ENOX1: variants seen among roughly 807,000 people sequenced by gnomAD.
The protein encoded by ENOX1 is ecto-NOX disulfide-thiol exchanger 1, also known as candidate growth-related and time keeping constitutive hydroquinone (NADH) oxidase.
ENOX1 carries 42 observed loss-of-function variants against 82.5 expected under a neutral mutation model. The ratio of observed to expected loss-of-function variants is 0.51; its 90% CI spans 0.40 to 0.66. The LOEUF (loss-of-function observed/expected upper bound fraction) is 0.66. Among genes scored for constraint, ENOX1 ranks in the 30% least tolerant of loss-of-function variants. The pLI is 0.00. For synonymous variants in ENOX1, 271 were observed against 282.2 expected, an observed-to-expected ratio of 0.96 and a Z score of 0.40; for missense variants, 608 against 811.6, an observed-to-expected ratio of 0.75 and a Z score of 3.05.
At chr13:43,562,265 C>G (rs934676305) in intron 2 of ENOX1, among the ~76,000 whole-genome samples, 2 of 151,832 alleles carry the variant, frequency 1.3e-5, no homozygotes, top group African/African-American at 4.8e-5. Context: ...TTTTTTAATA[C>G]TCTTCTCTTT....
Position 43,322,387 on chromosome 13 carries a change from A to T in ENOX1, c.1258T>A (p.Ser420Thr), listed in dbSNP as rs1250973542. 6.2e-7 allele frequency: 1 copy of T among 1,612,628 alleles called. No individual in the cohort carries two copies. Among genetic ancestry groups the T allele is most frequent in the South Asian group, 1.1e-5 (1 of 90,958 alleles). Residue 420 changes from serine to threonine, a missense_variant, in exon 11 of 17, where the codon TCA becomes ACA. Ser to Thr is a moderately conservative substitution (Grantham distance 58). Transcript: ENST00000690772. ...SPTKKMRVDE[S>T]ALAAQAYALK... ...CTGTGGCAGTTATCGGCATTACCTG[A>T]TTCATCGACTCTCATTTTCTTTGTA...
chr13:43,312,356 T>G (rs2047252690), intron 11 of ENOX1, among the ~76,000 whole-genome samples: 1 of 152,100 alleles, frequency 6.6e-6, no homozygotes, highest in African/African-American at 2.4e-5. Flanking sequence ...CTTCAATAAG[T>G]CTTGAAATTA....
intron 2 of ENOX1, among the ~76,000 whole-genome samples, chr13:43,631,695 G>A (rs1489656635): frequency 6.6e-6 from 1 of 152,106 alleles, no homozygotes; most frequent in Non-Finnish European, 1.5e-5. Context: ...ACGCAAGTAG[G>A]CTTTTATTAT....
At chr13:43,668,909 C>CA (rs2085119881) in intron 1 of ENOX1, among the ~76,000 whole-genome samples, 2 of 152,174 alleles carry the variant, frequency 1.3e-5, no homozygotes, top group African/African-American at 2.4e-5. Context: ...TACCTTATTT[C>CA]AAAAAAATAT....
intron 2 of ENOX1, among the ~76,000 whole-genome samples, chr13:43,606,961 T>C (rs962896389): frequency 1.3e-5 from 2 of 152,144 alleles, no homozygotes; most frequent in Admixed American, 6.6e-5. Context: ...TGAGCTGAGA[T>C]AGTGCCACTG....
chr13:43,770,172 T>A (rs1951505256), intron 1 of ENOX1, among the ~76,000 whole-genome samples: 1 of 152,228 alleles, frequency 6.6e-6, no homozygotes, highest in African/African-American at 2.4e-5. Context: ...CCGCTTCTTC[T>A]TTAACAAAAC....
At chr13:43,400,540 T>C (rs1464456297) in intron 5 of ENOX1, among the ~76,000 whole-genome samples, 2 of 152,216 alleles carry the variant, frequency 1.3e-5, no homozygotes, top group East Asian at 3.8e-4. Flanking sequence ...TGATGATCAC[T>C]TTTTGGTTAT....
In ENOX1 at chr13:43,292,736, T is replaced by C. The variant is rs1007862036; in HGVS notation, c.1446+5610A>G. On this transcript the variant is annotated intron_variant, in intron 12 of 16. Coordinates refer to ENST00000690772, the MANE Select transcript of ENOX1 (RefSeq NM_001347969.2). ...GCTACCACAGCCTCCTTCACCACCATAGCCACCAACACAGCCATAGCCACC... is the reference window on the plus strand; with the variant it reads ...GCTACCACAGCCTCCTTCACCACCACAGCCACCAACACAGCCATAGCCACC... 2.0e-5 allele frequency among the ~76,000 whole-genome samples: 3 copies of C among 151,898 alleles called. No individual in the cohort carries two copies. The East Asian group carries it at 5.8e-4, about 29-fold the overall frequency.
At chr13:43,685,873 AACACACACAC>A (rs60259011) in intron 1 of ENOX1, among the ~76,000 whole-genome samples, 30 of 141,526 alleles carry the variant, frequency 2.1e-4, no homozygotes, top group African/African-American at 6.3e-4. Flanking sequence ...CCCAGAAGGA[AACACACACAC>A]ACACACACAC....
At chr13:43,703,298 T>A (rs77504430) in intron 1 of ENOX1, among the ~76,000 whole-genome samples, 2,461 of 152,316 alleles carry the variant, frequency 0.016, 20 homozygotes, top group Middle Eastern at 0.031. Flanking sequence ...TTCTGTCCTC[T>A]GTAGAAACAT....
chr13:43,467,685 T>C (rs2057796942), intron 3 of ENOX1, among the ~76,000 whole-genome samples: 1 of 152,168 alleles, frequency 6.6e-6, no homozygotes, highest in Non-Finnish European at 1.5e-5. Flanking sequence ...ATCTATATTT[T>C]TCTTTTGCTG....
At chr13:43,631,748 A>G (rs1249267678) in intron 2 of ENOX1, among the ~76,000 whole-genome samples, 1 of 152,086 alleles carries the variant, frequency 6.6e-6, no homozygotes, top group Admixed American at 6.6e-5. Flanking sequence ...TTTAGGCACT[A>G]TATTGTTTTA....
At chr13:43,656,167 T>C (rs2084422351) in intron 2 of ENOX1, among the ~76,000 whole-genome samples, 1 of 152,234 alleles carries the variant, frequency 6.6e-6, no homozygotes, top group African/African-American at 2.4e-5. Flanking sequence ...CCATGTTACA[T>C]ATAGTTATGG....
At chr13:43,303,165 G>C (rs1465263112) in intron 11 of ENOX1, among the ~76,000 whole-genome samples, 1 of 152,170 alleles carries the variant, frequency 6.6e-6, no homozygotes, top group Admixed American at 6.5e-5. Context: ...TGCTACCCAG[G>C]AAGGCAGTTG....
At chr13:43,239,818 G>A (rs1204480326) in intron 14 of ENOX1, among the ~76,000 whole-genome samples, 1 of 152,190 alleles carries the variant, frequency 6.6e-6, no homozygotes, top group South Asian at 2.1e-4. Flanking sequence ...ATATGTTGTA[G>A]TTTTACCTTT....
chr13:43,332,087 G>A (rs184259658), intron 9 of ENOX1, among the ~76,000 whole-genome samples: 5 of 152,222 alleles, frequency 3.3e-5, no homozygotes, highest in South Asian at 2.1e-4. Context: ...TAAAACTGAG[G>A]CCAAGACACC....
chr13:43,533,568 T>C (rs1797201839), intron 2 of ENOX1, among the ~76,000 whole-genome samples: 1 of 152,176 alleles, frequency 6.6e-6, no homozygotes, highest in African/African-American at 2.4e-5. Context: ...CGGCCCTTAA[T>C]GACATGGCCC....
At chr13:43,578,000 T>C (rs1204665315) in intron 2 of ENOX1, among the ~76,000 whole-genome samples, 1 of 151,952 alleles carries the variant, frequency 6.6e-6, no homozygotes, top group Non-Finnish European at 1.5e-5. Flanking sequence ...AAAAGGAGAA[T>C]GGGATCCAGA....
chr13:43,344,526 A>T lies in ENOX1; in HGVS notation c.1036+12T>A, dbSNP rs1420475857. ...TCACAACAAAAGAGATGGCCCCCAA[A>T]ATTTTACTTACATTGAGTGAGAATC... On this transcript the variant is annotated intron_variant, in intron 9 of 16. Transcript: ENST00000690772. 1 of 1,604,650 alleles carries T rather than the reference A, an allele frequency of 6.2e-7. No individual in the cohort carries two copies. The highest frequency in any genetic ancestry group is 1.7e-5 in the Admixed American group (1 of 58,206).
Sources: allele counts gnomAD v4.1 joint callset (sites outside exome capture counted in the v4.1 genomes callset), GRCh38; gene constraint gnomAD v4.1.1; transcripts MANE v1.5; gene names NCBI Gene and HGNC (gene_info 2026-07-23, HGNC 2026-07-21).